CA10: variants seen among roughly 807,000 people sequenced by gnomAD.
The protein encoded by CA10 is carbonic anhydrase 10 (inactive), also known as carbonic anhydrase-related protein 10.
In CA10, 14 loss-of-function variants were observed where a neutral mutation model predicts 44.2. That is an observed-to-expected ratio of 0.32 (90% CI 0.21 to 0.50). CA10 has a LOEUF of 0.50. CA10 is among the 20% of genes least tolerant of loss of function. CA10 has a pLI of 0.99. For synonymous variants in CA10, 159 were observed against 141.6 expected, an observed-to-expected ratio of 1.12 and a Z score of -0.87; for missense variants, 350 against 409.7, an observed-to-expected ratio of 0.85 and a Z score of 1.26.
At position 52,096,018 on chromosome 17, in the gene CA10, C is replaced by A. The variant is rs541215486; in HGVS notation, c.62-23625G>T. Among the ~76,000 whole-genome samples the A allele has an allele frequency of 1.1e-4, 17 of 152,218 alleles. No individual in the cohort carries two copies. In the South Asian group the frequency reaches 3.1e-3, roughly 28 times the overall value. ...GAAATCTTGGTTTCAATTTGTTGAA[C>A]CTTTGCCCCCTCACCTCTAAAAACC... On this transcript the variant is annotated intron_variant, in intron 1 of 8. Transcript: ENST00000451037.
chr17:51,933,951 T>G (rs935875319), intron 2 of CA10, among the ~76,000 whole-genome samples: 1 of 152,106 alleles, frequency 6.6e-6, no homozygotes, highest in Non-Finnish European at 1.5e-5. Context: ...AACATCTGCC[T>G]TCTCTTTTAT....
At chr17:51,752,913 C>T (rs934100407) in intron 3 of CA10, among the ~76,000 whole-genome samples, 1 of 151,670 alleles carries the variant, frequency 6.6e-6, no homozygotes, top group Non-Finnish European at 1.5e-5. Flanking sequence ...AGTGAGACTG[C>T]ATCTCAAAAA....
intron 3 of CA10, among the ~76,000 whole-genome samples, chr17:51,779,403 G>C (rs1009480693): frequency 5.9e-5 from 9 of 152,160 alleles, no homozygotes; most frequent in African/African-American, 2.2e-4. Flanking sequence ...TTAAGAAACA[G>C]GTGCTCTCAG....
intron 4 of CA10, among the ~76,000 whole-genome samples, chr17:51,719,621 C>G (rs200579721): frequency 1.1e-5 from 1 of 90,284 alleles, no homozygotes; most frequent in African/African-American, 3.6e-5. Context: ...GGTGTGGTGG[C>G]TTTGCTTGAA....
chr17:51,947,062 A>G (rs1205594205), intron 2 of CA10, among the ~76,000 whole-genome samples: 1 of 152,110 alleles, frequency 6.6e-6, no homozygotes, highest in Non-Finnish European at 1.5e-5. Context: ...CAAAAATATG[A>G]TGAATGCTTC....
chr17:52,135,455 T>C (rs1043922170), intron 1 of CA10, among the ~76,000 whole-genome samples: 2 of 152,160 alleles, frequency 1.3e-5, no homozygotes, highest in African/African-American at 2.4e-5. Flanking sequence ...TTTTTGTACA[T>C]GGGACCCACA....
At chr17:51,735,353 T>C (rs1916865651) in intron 4 of CA10, among the ~76,000 whole-genome samples, 1 of 152,060 alleles carries the variant, frequency 6.6e-6, no homozygotes, top group Admixed American at 6.6e-5. Context: ...GGGTACTCAA[T>C]GGCACCGACA....
chr17:51,783,147 A>G (rs1355484432), intron 3 of CA10, among the ~76,000 whole-genome samples: 1 of 151,878 alleles, frequency 6.6e-6, no homozygotes, highest in African/African-American at 2.4e-5. Flanking sequence ...CTGAAGAGAA[A>G]TGATTTTTTT....
At chr17:51,858,141 T>C (rs554637855) in intron 3 of CA10, among the ~76,000 whole-genome samples, 2 of 152,168 alleles carry the variant, frequency 1.3e-5, no homozygotes, top group South Asian at 2.1e-4. Flanking sequence ...ATGTAAATCA[T>C]GTAAGTTTCA....
At chr17:52,053,671 T>C (rs1987140861) in intron 2 of CA10, among the ~76,000 whole-genome samples, 1 of 151,918 alleles carries the variant, frequency 6.6e-6, no homozygotes, top group South Asian at 2.1e-4. Flanking sequence ...AGATAGAAAT[T>C]GAGTGCACAG....
chr17:51,880,002 T>A (rs540169488), intron 3 of CA10, among the ~76,000 whole-genome samples: 1 of 152,324 alleles, frequency 6.6e-6, no homozygotes, highest in Non-Finnish European at 1.5e-5. Context: ...AATTTGCCTC[T>A]AAGCATGCCT....
At chr17:52,142,150 G>A (rs905622052) in intron 1 of CA10, among the ~76,000 whole-genome samples, 26 of 152,214 alleles carry the variant, frequency 1.7e-4, no homozygotes, top group African/African-American at 5.8e-4. Flanking sequence ...TCTGCAAGGT[G>A]CCTTCACAGA....
chr17:51,695,342 T>G (rs1296330256), intron 4 of CA10, among the ~76,000 whole-genome samples: 1 of 151,978 alleles, frequency 6.6e-6, no homozygotes, highest in Non-Finnish European at 1.5e-5. Context: ...TTTTGTTTTG[T>G]TTTGTTTTTG....
intron 2 of CA10, among the ~76,000 whole-genome samples, chr17:51,989,012 T>C (rs1294990077): frequency 6.6e-6 from 1 of 152,076 alleles, no homozygotes; most frequent in African/African-American, 2.4e-5. Context: ...GTGGCTAGTA[T>C]CTACCATATT....
At chr17:52,123,081 G>A (rs1421918606) in intron 1 of CA10, among the ~76,000 whole-genome samples, 2 of 152,082 alleles carry the variant, frequency 1.3e-5, no homozygotes, top group East Asian at 3.9e-4. Context: ...GATTGCCAGA[G>A]GGAACCAGCA....
At chr17:52,153,808 T>C (rs1420022158) in intron 1 of CA10, among the ~76,000 whole-genome samples, 2 of 152,222 alleles carry the variant, frequency 1.3e-5, no homozygotes. Context: ...ATTGCATGCT[T>C]ACTATGTGGT....
intron 4 of CA10, among the ~76,000 whole-genome samples, chr17:51,701,520 G>C (rs1241785317): frequency 2.6e-5 from 4 of 151,924 alleles, no homozygotes; most frequent in African/African-American, 9.7e-5. Context: ...GTTTACCTCT[G>C]CTCAATAAAT....
chr17:51,848,727 G>C (rs1353455799), intron 3 of CA10, among the ~76,000 whole-genome samples: 2 of 152,198 alleles, frequency 1.3e-5, no homozygotes, highest in East Asian at 1.9e-4. Context: ...GCCGGAGGCA[G>C]TCGTGAGAAA....
At chr17:52,015,352 C>T (rs373621191) in intron 2 of CA10, among the ~76,000 whole-genome samples, 5 of 152,088 alleles carry the variant, frequency 3.3e-5, no homozygotes, top group Non-Finnish European at 7.4e-5. Context: ...TCTTCAATTG[C>T]CTTTTAGCTC....
Sources: gnomAD v4.1 joint callset for allele counts (sites outside exome capture counted in the v4.1 genomes callset) on GRCh38, gnomAD v4.1.1 for gene constraint, MANE v1.5 for transcripts, NCBI Gene and HGNC (gene_info 2026-07-23, HGNC 2026-07-21) for gene names.